The following DNAJA1 variants were observed in gnomAD, a reference collection of about 807,000 sequenced individuals.
DNAJA1 encodes dnaJ homolog subfamily A member 1.
Under a neutral mutation model 47.6 loss-of-function variants are expected in DNAJA1, and 26 were observed. The observed-to-expected ratio is 0.55, with a 90% CI of 0.40 to 0.76. The LOEUF (loss-of-function observed/expected upper bound fraction) is 0.76. Among genes scored for constraint, DNAJA1 ranks in the 30% least tolerant of loss-of-function variants. The pLI is 0.00. For synonymous variants in DNAJA1, 165 were observed against 158.4 expected, an observed-to-expected ratio of 1.04 and a Z score of -0.31; for missense variants, 315 against 485.0, an observed-to-expected ratio of 0.65 and a Z score of 3.29.
rs764787440 is a variant in DNAJA1 at position 33,029,949 on chromosome 9, A to G, written c.375A>G (p.Lys125=). 2 of 1,613,586 alleles carry G rather than the reference A, an allele frequency of 1.2e-6. No individual in the cohort carries two copies. The highest frequency in any genetic ancestry group is 1.1e-5 in the South Asian group (1 of 90,994). The change falls in exon 4 of 9, where the codon AAA becomes AAG. Residue 125 remains lysine (K), a synonymous_variant. Transcript: ENST00000330899. The part of the protein sequence containing the change: ...LEDLYNGATR[K]LALQKNVICD... ...ACTTATATAATGGTGCAACAAGAAAACTGGCTCTGCAAAAGAATGTGATTT... is the reference window on the plus strand; with the variant it reads ...ACTTATATAATGGTGCAACAAGAAAGCTGGCTCTGCAAAAGAATGTGATTT...
chr9:33,028,691 C>G (rs1490204274), intron 3 of DNAJA1, among the ~76,000 whole-genome samples: 2 of 152,188 alleles, frequency 1.3e-5, no homozygotes, highest in African/African-American at 2.4e-5. Flanking sequence ...TTGGCAAGCT[C>G]TTTTATGTGG....
rs148930986 is a variant in DNAJA1, at chr9:33,030,942, C to A, written c.643+275C>A. ...GTCCTGTAAATGATTGAATAGTGTT[C>A]CAAACTTAATTCTCTCCTGTTAAAC... On this transcript the variant is annotated intron_variant, in intron 5 of 8. Transcript: ENST00000330899. Among the ~76,000 whole-genome samples, 4 of 152,210 alleles carry A rather than the reference C, an allele frequency of 2.6e-5. No homozygotes were observed. The East Asian group carries it at 7.7e-4, about 29-fold the overall frequency.
Position 33,032,169 on chromosome 9 carries a change from C to T in DNAJA1, c.643+1502C>T, listed in dbSNP as rs531736137. Among the ~76,000 whole-genome samples the T allele has an allele frequency of 2.6e-5, 4 of 152,342 alleles. No individual in the cohort carries two copies. The South Asian group carries it at 8.3e-4, about 32-fold the overall frequency. On this transcript the variant is annotated intron_variant, in intron 5 of 8. Coordinates refer to ENST00000330899, the MANE Select transcript of DNAJA1 (RefSeq NM_001539.4). The stretch of plus-strand genomic sequence containing the variant: ...ATTTCCATATTAATATACAAATCTA[C>T]ATTAACATAAGTGGCTGCAATAGGA...
At chr9:33,034,976 C>G (rs1839011607) in intron 6 of DNAJA1, among the ~76,000 whole-genome samples, 1 of 146,642 alleles carries the variant, frequency 6.8e-6, no homozygotes, top group African/African-American at 2.5e-5. Flanking sequence ...GGCTTGAACT[C>G]AGGAGTTCAA....
intron 1 of DNAJA1, 135 bp from the exon 2 acceptor site, chr9:33,026,340 T>C: frequency 1.2e-6 from 1 of 838,286 alleles, no homozygotes; most frequent in Non-Finnish European, 1.8e-6. Context: ...CAGGAATTGT[T>C]ACCTTTTTGG....
chr9:33,026,467 T>G lies in DNAJA1; in HGVS notation c.-10-8T>G, dbSNP rs1838854926. The G allele has an allele frequency of 6.3e-7, 1 of 1,597,596 alleles. No homozygotes were observed. The highest frequency in any genetic ancestry group is 8.5e-7 in the Non-Finnish European group (1 of 1,175,926). ...AAAGCCGGTTAAAGTTGCATTTTCT[T>G]ATTTCAGGCAGTAGAAGATGGTGAA... is the stretch of plus-strand genomic sequence containing the variant. On this transcript the variant is annotated splice_polypyrimidine_tract_variant and splice_region_variant and intron_variant, in intron 1 of 8. Coordinates refer to ENST00000330899, the MANE Select transcript of DNAJA1 (RefSeq NM_001539.4).
chr9:33,035,023 CAGTA>C (rs1199878232), intron 6 of DNAJA1, among the ~76,000 whole-genome samples: 3 of 139,180 alleles, frequency 2.2e-5, no homozygotes, highest in African/African-American at 5.4e-5. Flanking sequence ...GCCTGGGTGA[CAGTA>C]AGAACCCACC....
chr9:33,031,479 T>C (rs1838961144), intron 5 of DNAJA1, among the ~76,000 whole-genome samples: 1 of 152,136 alleles, frequency 6.6e-6, no homozygotes, highest in Admixed American at 6.6e-5. Context: ...TTGCCCAGGC[T>C]TGAGTGCAGT....
rs1839082010 is a variant in DNAJA1, at chr9:33,039,251, T to C, written c.*348T>C. 4.9e-6 allele frequency: 1 copy of C among 205,940 alleles called. No homozygotes were observed. Among genetic ancestry groups the C allele is most frequent in the Non-Finnish European group, 1.0e-5 (1 of 100,262 alleles). 12.8% of individuals were successfully genotyped at this position (205,940 alleles called of 1,614,324 possible). On this transcript the variant is annotated 3_prime_UTR_variant, in exon 9 of 9. Transcript: ENST00000330899. Reference sequence around the variant, plus strand: ...TTGGCTTCAGTGTATGACCCTTCATTGTTAAGCTATGAAAGTAAAACTCTG... The same window carrying C: ...TTGGCTTCAGTGTATGACCCTTCATCGTTAAGCTATGAAAGTAAAACTCTG...
At chr9:33,035,374 C>CTT (rs1179134281) in intron 6 of DNAJA1, among the ~76,000 whole-genome samples, 4 of 151,986 alleles carry the variant, frequency 2.6e-5, no homozygotes, top group African/African-American at 9.7e-5. Context: ...AAAAAAAAGA[C>CTT]TAATATTTTA....
Position 33,037,130 on chromosome 9 carries a change from A to C in DNAJA1, c.975+15A>C, listed in dbSNP as rs1195920876. 6.2e-7 allele frequency: 1 copy of C among 1,604,310 alleles called. No homozygotes were observed. On this transcript the variant is annotated intron_variant, in intron 8 of 8. Coordinates refer to ENST00000330899, the MANE Select transcript of DNAJA1 (RefSeq NM_001539.4). ...TCGAATTTAAGGTAAGCTGTAATGT[A>C]CTTTAAGAATACTTGAGAACAATTG...
At chr9:33,026,362 G>A in intron 1 of DNAJA1, 113 bp from the exon 2 acceptor site, 1 of 1,096,978 alleles carries the variant, frequency 9.1e-7, no homozygotes. Flanking sequence ...GAAATTTAGG[G>A]AAGGTGGTGT....
At chr9:33,028,099 A>AT (rs1466316336) in intron 3 of DNAJA1, among the ~76,000 whole-genome samples, 1 of 149,996 alleles carries the variant, frequency 6.7e-6, no homozygotes, top group Non-Finnish European at 1.5e-5. Flanking sequence ...TACAGATCTT[A>AT]TTTGGTGTTC....
At chr9:33,029,275 T>G (rs1247970801) in intron 3 of DNAJA1, among the ~76,000 whole-genome samples, 1 of 152,342 alleles carries the variant, frequency 6.6e-6, no homozygotes, top group East Asian at 1.9e-4. Flanking sequence ...AAAGTTCTGT[T>G]GGGCAATGCT....
intron 6 of DNAJA1, among the ~76,000 whole-genome samples, chr9:33,034,973 A>T (rs940722978): frequency 5.4e-5 from 8 of 148,650 alleles, no homozygotes; most frequent in Non-Finnish European, 1.0e-4. Flanking sequence ...AGTGGCTTGA[A>T]CTCAGGAGTT....
In DNAJA1 at chr9:33,027,537, A is replaced by G. The variant is rs1191696668; in HGVS notation, c.310+547A>G. On this transcript the variant is annotated intron_variant, in intron 3 of 8. Coordinates refer to ENST00000330899, the MANE Select transcript of DNAJA1 (RefSeq NM_001539.4). ...GAGTGGTAGCAAATGACTGCTTCCA[A>G]AAATCTTAGATATTATCAAACAAAT... 2.0e-5 allele frequency among the ~76,000 whole-genome samples: 3 copies of G among 152,128 alleles called. No individual in the cohort carries two copies. In the South Asian group the frequency reaches 6.2e-4, roughly 31 times the overall value.
intron 7 of DNAJA1, 120 bp downstream of exon 7, chr9:33,036,809 T>TA: frequency 2.4e-6 from 2 of 820,228 alleles, no homozygotes; most frequent in Non-Finnish European, 3.8e-6. Flanking sequence ...CTCGGTTACA[T>TA]ATCCTTCTCT....
At chr9:33,025,606 C>T (rs1838800326) in intron 1 of DNAJA1, among the ~76,000 whole-genome samples, 1 of 152,214 alleles carries the variant, frequency 6.6e-6, no homozygotes, top group Non-Finnish European at 1.5e-5. Context: ...CTCCCTCCTT[C>T]CCCAGCCTGG....
At chr9:33,025,631 T>A (rs1439398824) in intron 1 of DNAJA1, among the ~76,000 whole-genome samples, 1 of 152,100 alleles carries the variant, frequency 6.6e-6, no homozygotes, top group Non-Finnish European at 1.5e-5. Context: ...TCCAAGGAGC[T>A]ACTGTCTTCG....
Sources: gnomAD v4.1 joint callset for allele counts (sites outside exome capture counted in the v4.1 genomes callset) on GRCh38, gnomAD v4.1.1 for gene constraint, MANE v1.5 for transcripts, NCBI Gene and HGNC (gene_info 2026-07-23, HGNC 2026-07-21) for gene names.